The following CDH13 variants were observed in gnomAD, a reference collection of about 807,000 sequenced individuals.
CDH13 encodes cadherin 13.
A neutral mutation model predicts 63.8 loss-of-function variants in CDH13; 24 were observed. That is an observed-to-expected ratio of 0.38 (90% CI 0.27 to 0.53). CDH13 has a LOEUF of 0.53. CDH13 is among the 20% of genes least tolerant of loss of function. The pLI is 0.85. For missense variants in CDH13, 1,049 were observed against 903.1 expected, an observed-to-expected ratio of 1.16 and a Z score of -2.07; for synonymous variants, 503 against 355.3, an observed-to-expected ratio of 1.42 and a Z score of -4.67.
intron 2 of CDH13, among the ~76,000 whole-genome samples, chr16:82,940,877 ATT>A (rs1317199452): frequency 2.0e-5 from 3 of 152,154 alleles, no homozygotes; most frequent in Non-Finnish European, 4.4e-5. Context: ...TTAGGGAAAC[ATT>A]TATTCAGATA....
At chr16:82,649,529 A>G (rs550543727) in intron 1 of CDH13, among the ~76,000 whole-genome samples, 1 of 152,328 alleles carries the variant, frequency 6.6e-6, no homozygotes, top group African/African-American at 2.4e-5. Flanking sequence ...TTCCAGTTAA[A>G]TAATGGAAAG....
intron 2 of CDH13, among the ~76,000 whole-genome samples, chr16:82,932,381 C>G (rs903937466): frequency 6.6e-6 from 1 of 152,142 alleles, no homozygotes; most frequent in African/African-American, 2.4e-5. Flanking sequence ...AGGCAACAAC[C>G]GCTGAAGAGG....
chr16:83,240,317 A>C (rs541562430), intron 5 of CDH13, among the ~76,000 whole-genome samples: 1 of 152,176 alleles, frequency 6.6e-6, no homozygotes, highest in African/African-American at 2.4e-5. Context: ...CTTTGCATGG[A>C]TTCTGGCTTC....
intron 7 of CDH13, among the ~76,000 whole-genome samples, chr16:83,544,332 G>C (rs928709656): frequency 1.6e-4 from 24 of 151,874 alleles, no homozygotes; most frequent in African/African-American, 5.6e-4. Flanking sequence ...TTTCCATTCA[G>C]ATTCCTGCTC....
At chr16:83,476,211 T>C (rs1158603718) in intron 6 of CDH13, among the ~76,000 whole-genome samples, 3 of 152,364 alleles carry the variant, frequency 2.0e-5, no homozygotes, top group Admixed American at 6.5e-5. Context: ...TTGTCAGATA[T>C]AGAGCAGCAT....
intron 5 of CDH13, among the ~76,000 whole-genome samples, chr16:83,229,469 TC>T (rs2039940812): frequency 6.6e-6 from 1 of 152,082 alleles, no homozygotes; most frequent in Non-Finnish European, 1.5e-5. Context: ...GTAAATATTC[TC>T]TCTTAAAATT....
At chr16:83,184,177 C>G (rs2038441033) in intron 4 of CDH13, among the ~76,000 whole-genome samples, 1 of 150,110 alleles carries the variant, frequency 6.7e-6, no homozygotes, top group Non-Finnish European at 1.5e-5. Context: ...CAATGAATAG[C>G]TGTTTCCAAA....
intron 2 of CDH13, among the ~76,000 whole-genome samples, chr16:82,949,616 A>G (rs1234376463): frequency 6.6e-6 from 1 of 152,184 alleles, no homozygotes; most frequent in East Asian, 1.9e-4. Flanking sequence ...ATAAAAACCA[A>G]CTTATTTGCC....
chr16:83,062,730 C>T (rs1164652806), intron 3 of CDH13, among the ~76,000 whole-genome samples: 1 of 152,162 alleles, frequency 6.6e-6, no homozygotes, highest in Non-Finnish European at 1.5e-5. Flanking sequence ...TTGAAATAAT[C>T]ATTCTATGTG....
intron 10 of CDH13, among the ~76,000 whole-genome samples, chr16:83,706,274 G>C (rs1907036231): frequency 6.6e-6 from 1 of 152,106 alleles, no homozygotes; most frequent in Non-Finnish European, 1.5e-5. Context: ...AGCTTGCAGT[G>C]GTTTCTCTTT....
At chr16:82,929,827 A>G (rs758380310) in intron 2 of CDH13, among the ~76,000 whole-genome samples, 71 of 152,020 alleles carry the variant, frequency 4.7e-4, no homozygotes, top group South Asian at 3.5e-3. Context: ...ATCCTGTTAC[A>G]GCATCCCGAA....
chr16:83,644,755 G>T (rs1413985581), intron 8 of CDH13, among the ~76,000 whole-genome samples: 2 of 152,140 alleles, frequency 1.3e-5, no homozygotes, highest in Non-Finnish European at 2.9e-5. Context: ...AGCAGTGGGG[G>T]TCCCCAGTGA....
chr16:82,677,030 C>T (rs544291242), intron 1 of CDH13, among the ~76,000 whole-genome samples: 2 of 152,266 alleles, frequency 1.3e-5, no homozygotes, highest in African/African-American at 4.8e-5. Flanking sequence ...ACTACAGGCA[C>T]CTGCCACCAC....
intron 6 of CDH13, among the ~76,000 whole-genome samples, chr16:83,396,146 A>G (rs1305819948): frequency 6.6e-6 from 1 of 152,200 alleles, no homozygotes; most frequent in African/African-American, 2.4e-5. Context: ...ATGGCTGCAT[A>G]GTATTCCGTG....
chr16:83,653,854 G>A (rs959761656), intron 8 of CDH13, among the ~76,000 whole-genome samples: 2 of 152,200 alleles, frequency 1.3e-5, no homozygotes, highest in African/African-American at 4.8e-5. Flanking sequence ...GCTGTGTCCG[G>A]CATTAAGAAA....
At chr16:82,992,761 A>G (rs1162844535) in intron 2 of CDH13, among the ~76,000 whole-genome samples, 1 of 152,228 alleles carries the variant, frequency 6.6e-6, no homozygotes, top group Non-Finnish European at 1.5e-5. Context: ...CTTTGAAATA[A>G]AGACCATAAT....
intron 4 of CDH13, among the ~76,000 whole-genome samples, chr16:83,216,427 T>TATAA (rs1555513897): frequency 0.012 from 546 of 45,064 alleles, 76 homozygotes; most frequent in African/African-American, 0.028. Flanking sequence ...TATATATATA[T>TATAA]ATATATATAT....
Position 83,694,325 on chromosome 16 carries a change from C to T in CDH13, c.1538+15864C>T, listed in dbSNP as rs1318408441. On this transcript the variant is annotated intron_variant, in intron 10 of 13. Transcript: ENST00000567109. ...GTTGTCTCATGTCCCATATCTACTC[C>T]TGCTGCAGTGGGAGAGAATGGGAGT... is the stretch of plus-strand genomic sequence containing the variant. Among the ~76,000 whole-genome samples, 7 of 152,196 alleles carry T rather than the reference C, an allele frequency of 4.6e-5. No individual in the cohort carries two copies. In the East Asian group the frequency reaches 1.3e-3, roughly 29 times the overall value.
chr16:83,475,043 G>A (rs1016602010), intron 6 of CDH13, among the ~76,000 whole-genome samples: 2 of 152,226 alleles, frequency 1.3e-5, no homozygotes. Flanking sequence ...CCGCCATCTG[G>A]CTCCTGGCTC....
Sources: gnomAD v4.1 joint callset for allele counts (sites outside exome capture counted in the v4.1 genomes callset) on GRCh38, gnomAD v4.1.1 for gene constraint, MANE v1.5 for transcripts, NCBI Gene and HGNC (gene_info 2026-07-23, HGNC 2026-07-21) for gene names.